SSH1: variants seen among roughly 807,000 people sequenced by gnomAD.
The protein encoded by SSH1 is protein phosphatase Slingshot homolog 1.
In SSH1, 43 loss-of-function variants were observed where a neutral mutation model predicts 79.7. That is an observed-to-expected ratio of 0.54 (90% CI 0.42 to 0.70). The LOEUF (loss-of-function observed/expected upper bound fraction) is 0.70, where lower values mean the gene tolerates loss of function less well. SSH1 is among the 30% of genes least tolerant of loss of function. The probability of loss-of-function intolerance (pLI) is 0.00; values close to 1 mark genes in which losing one functional copy is unlikely to be tolerated. For missense variants in SSH1, 1,206 were observed against 1,358.8 expected, an observed-to-expected ratio of 0.89 and a Z score of 1.77; for synonymous variants, 599 against 538.3, an observed-to-expected ratio of 1.11 and a Z score of -1.56.
Position 108,792,362 on chromosome 12 carries a change from G to A in SSH1, c.1817C>T (p.Thr606Ile), listed in dbSNP as rs138967688. ...GTTGAGCAGGTTTTGATCGAGCTGG[G>A]TTGGAAGCTGCCCCCACCTCCCTGC... is the stretch of plus-strand genomic sequence containing the variant. The part of the protein sequence containing the change: ...LGAGRWGQLP[T>I]QLDQNLLNSE... The change falls in exon 14 of 15, where the codon ACC becomes ATC. Residue 606 changes from threonine to isoleucine, a missense_variant. Around this residue, in one of 5 missense-constraint regions of SSH1, gnomAD observed 709 missense variants for 730.6 expected, o/e 0.97. Coordinates refer to ENST00000326495, the MANE Select transcript of SSH1 (RefSeq NM_018984.4). 21 of 1,614,162 alleles carry A rather than the reference G, an allele frequency of 1.3e-5. No homozygotes were observed. The African/African-American group carries it at 2.3e-4, about 17-fold the overall frequency.
chr12:108,856,254 A>T (rs1387503285), intron 1 of SSH1, among the ~76,000 whole-genome samples: 1 of 152,244 alleles, frequency 6.6e-6, no homozygotes, highest in Non-Finnish European at 1.5e-5. Flanking sequence ...GCGCGACCAG[A>T]GGGTCATCCC....
chr12:108,832,492 C>G (rs150828630), intron 2 of SSH1, among the ~76,000 whole-genome samples: 2 of 152,092 alleles, frequency 1.3e-5, no homozygotes, highest in Non-Finnish European at 2.9e-5. Context: ...ATAGCAGCAA[C>G]GTGGAAAGCT....
chr12:108,843,493 C>T (rs1259477426), intron 2 of SSH1, among the ~76,000 whole-genome samples: 2 of 152,226 alleles, frequency 1.3e-5, no homozygotes, highest in African/African-American at 4.8e-5. Flanking sequence ...GTTTAATACT[C>T]TGTTGGTGCC....
Position 108,823,736 on chromosome 12 carries a change from C to G in SSH1, c.111-375G>C, listed in dbSNP as rs2038214115. ...AGGCTGGAGTACAGTGGTGTGATCT[C>G]AACTCACTGCAACCTCTGCCTCCTG... On this transcript the variant is annotated intron_variant, in intron 2 of 14. Coordinates refer to ENST00000326495, the MANE Select transcript of SSH1 (RefSeq NM_018984.4). Among the ~76,000 whole-genome samples, 2 of 152,014 alleles carry G rather than the reference C, an allele frequency of 1.3e-5. 1 individual carries two copies. Among genetic ancestry groups the G allele is most frequent in the South Asian group, 4.2e-4 (2 of 4,806 alleles).
chr12:108,806,377 C>G lies in SSH1; in HGVS notation c.749G>C (p.Arg250Thr), dbSNP rs368188719. 107 of 1,614,178 alleles carry G rather than the reference C, an allele frequency of 6.6e-5. No individual in the cohort carries two copies. In the South Asian group the frequency reaches 8.2e-4, roughly 12 times the overall value. The part of the protein sequence containing the change: ...LFVDKPTEGE[R>T]TERLIKAKLR... ...CTTGGCTTTGATGAGGCGCTCGGTC[C>G]TTTCCCCTTCAGTGGGCCTGGAAAG... is the stretch of plus-strand genomic sequence containing the variant. Residue 250 changes from arginine (R) to threonine (T), a missense_variant, in exon 9 of 15, where the codon AGG (arginine) becomes ACG (threonine). This residue lies in a region of SSH1 where 116 missense variants were observed against 109.0 expected (regional missense o/e 1.06). Transcript: ENST00000326495.
At chr12:108,820,888 C>T (rs1401257634) in intron 3 of SSH1, among the ~76,000 whole-genome samples, 6 of 152,240 alleles carry the variant, frequency 3.9e-5, no homozygotes, top group Admixed American at 6.5e-5. Flanking sequence ...CCGACCTCAT[C>T]GTCCACTCCA....
intron 14 of SSH1, among the ~76,000 whole-genome samples, chr12:108,791,272 G>T (rs1197352881): frequency 1.3e-5 from 2 of 152,092 alleles, no homozygotes; most frequent in Non-Finnish European, 2.9e-5. Flanking sequence ...ATCACACCCA[G>T]CTAATTTTTA....
In SSH1 at chr12:108,817,093, G is replaced by A. The variant is rs199897989; in HGVS notation, c.346C>T (p.Arg116Cys). The part of the protein sequence containing the change: ...RYMVVVYSSG[R>C]QDTEENILLG... Reference sequence around the variant, plus strand: ...AAGATATTCTCCTCGGTGTCCTGGCGCCCGCTGCTGTACACCACCACCATG... The same window carrying A: ...AAGATATTCTCCTCGGTGTCCTGGCACCCGCTGCTGTACACCACCACCATG... The change falls in exon 5 of 15, where the codon CGC (arginine) becomes TGC (cysteine). Residue 116 changes from arginine to cysteine, a missense_variant. Arg to Cys is a radical substitution (Grantham distance 180, BLOSUM62 -3). This residue lies in a region of SSH1 where 115 missense variants were observed against 173.9 expected (regional missense o/e 0.66). Transcript: ENST00000326495. 2.7e-5 allele frequency: 43 copies of A among 1,614,130 alleles called. No homozygotes were observed. The highest frequency in any genetic ancestry group is 5.0e-5 in the Admixed American group (3 of 60,024).
In SSH1 at chr12:108,822,290, C is replaced by T. The variant is rs149259895; in HGVS notation, c.214+968G>A. Among the ~76,000 whole-genome samples, 411 of 151,574 alleles carry T rather than the reference C, an allele frequency of 2.7e-3. 5 individuals carry two copies. The highest frequency in any genetic ancestry group is 9.7e-3 in the African/African-American group (399 of 41,276). On this transcript the variant is annotated intron_variant, in intron 3 of 14. Transcript: ENST00000326495. ...CTGGGATTACAGGCATGCGCCACCA[C>T]GCCCAGCTAATTTTTGTATTTTTTG...
chr12:108,857,404 G>C lies in SSH1; in HGVS notation c.69+24C>G, dbSNP rs1183377293. ...GGCGCGGCGTCCGGCGGCCCAGGCC[G>C]GGCGCGGCGAGCCCGGGGCTCACCT... On this transcript the variant is annotated intron_variant, in intron 1 of 14. Coordinates refer to ENST00000326495, the MANE Select transcript of SSH1 (RefSeq NM_018984.4). This position sits in a 1 kb window ranked among gnomAD's most constrained non-coding sequence, Gnocchi z 4.7. The C allele has an allele frequency of 1.4e-5, 14 of 1,020,948 alleles. No homozygotes were observed. Among genetic ancestry groups the C allele is most frequent in the Middle Eastern group, 4.7e-4 (1 of 2,126 alleles). 63.2% of individuals were successfully genotyped at this position (1,020,948 alleles called of 1,614,324 possible).
intron 2 of SSH1, among the ~76,000 whole-genome samples, 173 bp from the exon 3 acceptor site, chr12:108,823,534 G>A (rs1413529403): frequency 6.6e-6 from 1 of 152,198 alleles, no homozygotes; most frequent in African/African-American, 2.4e-5. Context: ...CCTTGCTTTT[G>A]CTAAAAGCTT....
At chr12:108,836,952 C>T (rs970345210) in intron 2 of SSH1, 5 of 528,124 alleles carry the variant, frequency 9.5e-6, no homozygotes, top group South Asian at 5.7e-5. Flanking sequence ...AGGTCATGGT[C>T]GACCGCAGTG....
Position 108,785,590 on chromosome 12 carries a change from T to C in SSH1, c.*2398A>G, listed in dbSNP as rs2136942483. 6.6e-6 allele frequency: 1 copy of C among 152,344 alleles called. No homozygotes were observed. The highest frequency in any genetic ancestry group is 6.5e-5 in the Admixed American group (1 of 15,304). 9.4% of individuals were successfully genotyped at this position (152,344 alleles called of 1,614,324 possible). Reference sequence around the variant, plus strand: ...ACCAGCGCTCTCGTCTGGATGTTGATATGCTAGCTGTGCTTCCAAAAATGA... The same window carrying C: ...ACCAGCGCTCTCGTCTGGATGTTGACATGCTAGCTGTGCTTCCAAAAATGA... On this transcript the variant is annotated 3_prime_UTR_variant, in exon 15 of 15. Coordinates refer to ENST00000326495, the MANE Select transcript of SSH1 (RefSeq NM_018984.4).
chr12:108,791,521 C>T (rs1040147570), intron 14 of SSH1, among the ~76,000 whole-genome samples: 1 of 152,126 alleles, frequency 6.6e-6, no homozygotes, highest in African/African-American at 2.4e-5. Context: ...ACCTGTAATT[C>T]CAGCACTTTG....
chr12:108,836,109 C>T (rs1234074776), intron 2 of SSH1, among the ~76,000 whole-genome samples: 1 of 147,326 alleles, frequency 6.8e-6, no homozygotes, highest in Non-Finnish European at 1.5e-5. Context: ...ATATAATATG[C>T]ATAATGTTAA....
chr12:108,809,264 C>A (rs556426941), intron 7 of SSH1, among the ~76,000 whole-genome samples: 1 of 151,174 alleles, frequency 6.6e-6, no homozygotes, highest in South Asian at 2.1e-4. Context: ...CCAGCCTGGG[C>A]AACATAGTGA....
intron 7 of SSH1, among the ~76,000 whole-genome samples, chr12:108,808,800 T>G (rs1312391272): frequency 6.6e-6 from 1 of 151,654 alleles, no homozygotes; most frequent in Non-Finnish European, 1.5e-5. Flanking sequence ...CTATGTTTTA[T>G]TTAGTCACCC....
intron 2 of SSH1, chr12:108,833,786 T>C (rs912504219): frequency 8.5e-5 from 13 of 152,350 alleles, no homozygotes; most frequent in Admixed American, 2.0e-4. Flanking sequence ...GGGTTTGTCA[T>C]TTTATTTCAT....
chr12:108,806,418 G>A (rs1434612589), intron 8 of SSH1, 24 bp from the exon 9 acceptor site: 1 of 1,606,184 alleles, frequency 6.2e-7, no homozygotes, highest in African/African-American at 1.3e-5. Context: ...ACGTTTAGGA[G>A]AGCAAGGAGC....
Sources: allele counts gnomAD v4.1 joint callset (sites outside exome capture counted in the v4.1 genomes callset), GRCh38; gene constraint gnomAD v4.1.1; regional missense constraint gnomAD v4.1.1; non-coding constraint Gnocchi (gnomAD v3.1); transcripts MANE v1.5; gene names NCBI Gene and HGNC (gene_info 2026-07-23, HGNC 2026-07-21).